SEMA5A: variants seen among roughly 807,000 people sequenced by gnomAD.
SEMA5A encodes the protein semaphorin-5A.
Under a neutral mutation model 135.5 loss-of-function variants are expected in SEMA5A, and 55 were observed. That is an observed-to-expected ratio of 0.41 (90% CI 0.33 to 0.51). The LOEUF (loss-of-function observed/expected upper bound fraction) is 0.51, where lower values mean the gene tolerates loss of function less well. SEMA5A is among the 20% of genes least tolerant of loss of function. The pLI, the probability that SEMA5A is intolerant of heterozygous loss-of-function variation, is 0.37. For missense variants in SEMA5A, 1,290 were observed against 1,419.9 expected (o/e 0.91, Z 1.47); for synonymous variants, 580 against 546.5 (o/e 1.06, Z -0.85).
At chr5:9,460,156 T>C (rs1284323886) in intron 1 of SEMA5A, among the ~76,000 whole-genome samples, 1 of 152,186 alleles carries the variant, frequency 6.6e-6, no homozygotes, top group Non-Finnish European at 1.5e-5. Flanking sequence ...CTGAGAATAC[T>C]CAGTAGGAGA....
rs752833985 is a variant in SEMA5A, at chr5:9,534,414, C to A, written c.-175+11170G>T. Among the ~76,000 whole-genome samples, 90 of 152,318 alleles carry A rather than the reference C, an allele frequency of 5.9e-4. 1 individual carries two copies. The highest frequency in any genetic ancestry group is 6.8e-3 in the Middle Eastern group (2 of 294). On this transcript the variant is annotated intron_variant, in intron 1 of 22. Coordinates refer to ENST00000382496, the MANE Select transcript of SEMA5A (RefSeq NM_003966.3). Reference sequence around the variant, plus strand: ...AAGCTCATTGAAAAACACTTAGCAACAAATCCAAAACTGCACTAAAGTCCA... The same window carrying A: ...AAGCTCATTGAAAAACACTTAGCAAAAAATCCAAAACTGCACTAAAGTCCA...
At chr5:9,281,823 C>CT (rs66509315) in intron 5 of SEMA5A, among the ~76,000 whole-genome samples, 47,629 of 121,702 alleles carry the variant, frequency 0.39, 9,655 homozygotes, top group East Asian at 0.46. Context: ...GATACAGGCA[C>CT]TTTTTTTTTT....
At chr5:9,495,074 G>T (rs1352502437) in intron 1 of SEMA5A, among the ~76,000 whole-genome samples, 2 of 152,176 alleles carry the variant, frequency 1.3e-5, no homozygotes, top group African/African-American at 4.8e-5. Context: ...CAAAGTAATT[G>T]TAGGATATTC....
At chr5:9,250,856 G>C (rs1579711692) in intron 5 of SEMA5A, among the ~76,000 whole-genome samples, 1 of 152,142 alleles carries the variant, frequency 6.6e-6, no homozygotes, top group Non-Finnish European at 1.5e-5. Context: ...GAATTTAAAA[G>C]TGGAAAAACA....
chr5:9,056,412 G>A (rs532448670), intron 18 of SEMA5A, among the ~76,000 whole-genome samples: 28 of 152,246 alleles, frequency 1.8e-4, no homozygotes, highest in South Asian at 4.2e-4. Context: ...AAAACAATGT[G>A]GAGGGTCCTC....
At chr5:9,487,765 C>A (rs934431781) in intron 1 of SEMA5A, among the ~76,000 whole-genome samples, 1 of 152,056 alleles carries the variant, frequency 6.6e-6, no homozygotes, top group African/African-American at 2.4e-5. Flanking sequence ...GCCACATATT[C>A]TTTTAATTTT....
At chr5:9,207,566 A>G (rs2150379849) in intron 8 of SEMA5A, among the ~76,000 whole-genome samples, 1 of 152,324 alleles carries the variant, frequency 6.6e-6, no homozygotes, top group East Asian at 1.9e-4. Flanking sequence ...TGTGACACAC[A>G]GCCAGCAGTT....
rs547246853 is a variant in SEMA5A, at chr5:9,464,082, G to A, written c.-174-26230C>T. On this transcript the variant is annotated intron_variant, in intron 1 of 22. Coordinates refer to ENST00000382496, the MANE Select transcript of SEMA5A (RefSeq NM_003966.3). ...TGTGCATGGTGAGATCCTGAGCAGC[G>A]TTCCTGGTCTCTACCCACAAGACAC... 3.9e-5 allele frequency among the ~76,000 whole-genome samples: 6 copies of A among 152,212 alleles called. No individual in the cohort carries two copies. In the South Asian group the frequency reaches 8.3e-4, roughly 21 times the overall value.
At chr5:9,079,995 C>T (rs1297351608) in intron 16 of SEMA5A, among the ~76,000 whole-genome samples, 2 of 152,146 alleles carry the variant, frequency 1.3e-5, no homozygotes, top group African/African-American at 4.8e-5. Context: ...GTAGCGACTC[C>T]TCAAGGATCT....
chr5:9,520,565 G>A (rs1000271781), intron 1 of SEMA5A, among the ~76,000 whole-genome samples: 12 of 152,120 alleles, frequency 7.9e-5, no homozygotes, highest in Admixed American at 7.9e-4. Context: ...TTGAAGATAG[G>A]GATTGGTCTG....
At chr5:9,353,226 G>A (rs1754258302) in intron 3 of SEMA5A, among the ~76,000 whole-genome samples, 1 of 138,316 alleles carries the variant, frequency 7.2e-6, no homozygotes, top group South Asian at 2.4e-4. Flanking sequence ...GAAAGGAAAG[G>A]AAAGGAAAGG....
chr5:9,540,632 T>C (rs1738031670), intron 1 of SEMA5A, among the ~76,000 whole-genome samples: 1 of 151,986 alleles, frequency 6.6e-6, no homozygotes, highest in Non-Finnish European at 1.5e-5. Context: ...ATCAGTAGTT[T>C]TACAACAAAC....
chr5:9,428,408 T>C (rs1184190951), intron 2 of SEMA5A, among the ~76,000 whole-genome samples: 1 of 152,190 alleles, frequency 6.6e-6, no homozygotes, highest in Non-Finnish European at 1.5e-5. Context: ...ACACTGATAG[T>C]GTTCAAATGC....
At chr5:9,217,049 T>G (rs1442573475) in intron 8 of SEMA5A, among the ~76,000 whole-genome samples, 1 of 152,176 alleles carries the variant, frequency 6.6e-6, no homozygotes, top group Admixed American at 6.5e-5. Flanking sequence ...TTATGTTGGC[T>G]TGCTTGTGTG....
At position 9,230,340 on chromosome 5, in the gene SEMA5A, C is replaced by T. The variant is rs908248731; in HGVS notation, c.334-3373G>A. Among the ~76,000 whole-genome samples, 10 of 151,782 alleles carry T rather than the reference C, an allele frequency of 6.6e-5. No individual in the cohort carries two copies. In the East Asian group the frequency reaches 1.4e-3, roughly 21 times the overall value. The stretch of plus-strand genomic sequence containing the variant: ...TCCTGAAGACCACTCTCAAGGTTGA[C>T]GAAGAACCAGCATGTTGGTCAGAAT... On this transcript the variant is annotated intron_variant, in intron 6 of 22. Transcript: ENST00000382496.
intron 11 of SEMA5A, among the ~76,000 whole-genome samples, chr5:9,158,945 C>CAATTTG (rs386402984): frequency 2.8e-5 from 1 of 36,106 alleles, no homozygotes; most frequent in East Asian, 4.3e-4. Flanking sequence ...TACAGGCTGC[C>CAATTTG]AATTTGAATT....
At chr5:9,376,478 A>G (rs1755368238) in intron 3 of SEMA5A, among the ~76,000 whole-genome samples, 1 of 152,210 alleles carries the variant, frequency 6.6e-6, no homozygotes, top group Non-Finnish European at 1.5e-5. Context: ...ACCGTCCTAC[A>G]GCCCAGGATG....
intron 11 of SEMA5A, among the ~76,000 whole-genome samples, chr5:9,179,860 G>A (rs1744407174): frequency 6.6e-6 from 1 of 152,114 alleles, no homozygotes. Flanking sequence ...GTAACCTAGG[G>A]GTGCTGCAAT....
At chr5:9,296,001 C>G (rs899910435) in intron 5 of SEMA5A, among the ~76,000 whole-genome samples, 9 of 152,104 alleles carry the variant, frequency 5.9e-5, no homozygotes, top group Non-Finnish European at 1.0e-4. Flanking sequence ...TGCCAAATAA[C>G]AGCCCCAATC....
Sources: allele counts gnomAD v4.1 joint callset (sites outside exome capture counted in the v4.1 genomes callset), GRCh38; gene constraint gnomAD v4.1.1; transcripts MANE v1.5; gene names NCBI Gene and HGNC (gene_info 2026-07-23, HGNC 2026-07-21).